HS3ST4: variants seen among roughly 807,000 people sequenced by gnomAD.
HS3ST4 encodes the protein heparan sulfate-glucosamine 3-sulfotransferase 4.
Under a neutral mutation model 29.2 loss-of-function variants are expected in HS3ST4, and 17 were observed. The observed-to-expected ratio is 0.58, with a 90% confidence interval of 0.40 to 0.87. The LOEUF is 0.87. Ranked by LOEUF, HS3ST4 falls within the 40% of genes least tolerant of loss-of-function variation. The pLI, the probability that HS3ST4 is intolerant of heterozygous loss-of-function variation, is 0.00. For synonymous variants in HS3ST4, 314 were observed against 285.7 expected (o/e 1.10, Z -1.00); for missense variants, 627 against 634.5 (o/e 0.99, Z 0.13).
chr16:26,043,353 T>C (rs1969652129), intron 1 of HS3ST4, among the ~76,000 whole-genome samples: 1 of 152,182 alleles, frequency 6.6e-6, no homozygotes, highest in Non-Finnish European at 1.5e-5. Context: ...TGATGAAATC[T>C]CTCATACCTC....
chr16:25,942,241 G>A (rs1968579334), intron 1 of HS3ST4, among the ~76,000 whole-genome samples: 1 of 152,120 alleles, frequency 6.6e-6, no homozygotes, highest in Non-Finnish European at 1.5e-5. Flanking sequence ...GAGATGATGG[G>A]ATATCCATTG....
intron 1 of HS3ST4, among the ~76,000 whole-genome samples, chr16:26,051,623 C>G (rs1287632564): frequency 6.6e-6 from 1 of 152,028 alleles, no homozygotes. Context: ...CCTGTGTTCA[C>G]GCAAGGATTT....
chr16:25,707,581 T>C (rs563752645), intron 1 of HS3ST4, among the ~76,000 whole-genome samples: 2 of 152,284 alleles, frequency 1.3e-5, no homozygotes, highest in South Asian at 4.2e-4. Flanking sequence ...AAGGACTCAA[T>C]CACTGTTGCT....
chr16:25,692,656 C>T lies in HS3ST4; in HGVS notation c.239C>T (p.Pro80Leu), dbSNP rs753481150. Residue 80 changes from proline to leucine, a missense_variant, in exon 1 of 2, where the codon CCG becomes CTG. Physicochemically the swap from Pro to Leu is moderately conservative, Grantham distance 98 (BLOSUM62 -3). Transcript: ENST00000331351. ...GAAAEPPPSP[P>L]PPSLLPTPVR... is the part of the protein sequence containing the mutation. ...GCCGCCGAGCCCCCGCCGAGCCCGC[C>T]GCCACCCTCTCTGCTGCCTACCCCC... The T allele has an allele frequency of 3.7e-6, 5 of 1,351,742 alleles. No homozygotes were observed. In the South Asian group the frequency reaches 8.3e-5, roughly 22 times the overall value. The allele number at this position is 1,351,742 out of a possible 1,614,324, so 83.7% of individuals were successfully genotyped here.
intron 1 of HS3ST4, among the ~76,000 whole-genome samples, chr16:25,860,510 A>G (rs1294219280): frequency 6.6e-6 from 1 of 152,174 alleles, no homozygotes; most frequent in Non-Finnish European, 1.5e-5. Flanking sequence ...AAACTGTGGT[A>G]CATCCAGAGA....
intron 1 of HS3ST4, among the ~76,000 whole-genome samples, chr16:25,761,654 C>T (rs1207267588): frequency 6.6e-6 from 1 of 152,154 alleles, no homozygotes; most frequent in Non-Finnish European, 1.5e-5. Context: ...TCCAATTTCC[C>T]CTTCTAAACA....
chr16:26,121,921 A>G (rs553617236), intron 1 of HS3ST4, among the ~76,000 whole-genome samples: 1 of 152,318 alleles, frequency 6.6e-6, no homozygotes, highest in South Asian at 2.1e-4. Flanking sequence ...AGTCAGGGTC[A>G]GGTGAAATTT....
At chr16:25,715,597 G>T (rs1966449022) in intron 1 of HS3ST4, among the ~76,000 whole-genome samples, 1 of 152,216 alleles carries the variant, frequency 6.6e-6, no homozygotes, top group African/African-American at 2.4e-5. Context: ...TTCTCTCTTT[G>T]AACTGCTGCG....
rs1470198674 is a variant in HS3ST4 at position 25,908,767 on chromosome 16, C to A, written c.734+215616C>A. ...GTCAGGAATCACAGCGCAGAAGCTG[C>A]AGGTGAGGTAGCAAAAGTTGTAAGG... On this transcript the variant is annotated intron_variant, in intron 1 of 1. Coordinates refer to ENST00000331351, the MANE Select transcript of HS3ST4 (RefSeq NM_006040.3). 3.3e-5 allele frequency among the ~76,000 whole-genome samples: 5 copies of A among 152,156 alleles called. No individual in the cohort carries two copies. The East Asian group carries it at 9.7e-4, about 29-fold the overall frequency.
chr16:25,713,145 A>C (rs541450306), intron 1 of HS3ST4, among the ~76,000 whole-genome samples: 49 of 152,128 alleles, frequency 3.2e-4, no homozygotes, highest in Non-Finnish European at 2.4e-4. Flanking sequence ...AGTTTGCTGC[A>C]CCTGTCAACC....
intron 1 of HS3ST4, among the ~76,000 whole-genome samples, chr16:25,773,757 A>G (rs749225924): frequency 1.4e-4 from 22 of 152,234 alleles, no homozygotes; most frequent in Admixed American, 6.5e-4. Context: ...AGAATATTGT[A>G]CATTGTACCC....
At chr16:25,989,158 G>A (rs985790656) in intron 1 of HS3ST4, among the ~76,000 whole-genome samples, 11 of 152,146 alleles carry the variant, frequency 7.2e-5, no homozygotes, top group Admixed American at 4.6e-4. Context: ...ACAGTGGGCC[G>A]CTTTTGATTT....
intron 1 of HS3ST4, among the ~76,000 whole-genome samples, chr16:25,948,522 C>T (rs887166209): frequency 1.3e-5 from 2 of 152,098 alleles, no homozygotes; most frequent in Admixed American, 6.6e-5. Context: ...TCACTGCTTT[C>T]TTTGACTATC....
intron 1 of HS3ST4, among the ~76,000 whole-genome samples, chr16:26,056,364 G>C (rs992892124): frequency 3.3e-5 from 5 of 152,204 alleles, no homozygotes; most frequent in African/African-American, 9.6e-5. Flanking sequence ...ATAAGAACTG[G>C]ATGCTGGAGT....
In HS3ST4 at chr16:25,692,689, T is replaced by C; in HGVS notation, c.272T>C (p.Leu91Pro). 8.1e-7 allele frequency: 1 copy of C among 1,229,396 alleles called. No homozygotes were observed. Among genetic ancestry groups the C allele is most frequent in the Non-Finnish European group, 1.0e-6 (1 of 989,184 alleles). The allele number at this position is 1,229,396 out of a possible 1,614,324, so 76.2% of individuals were successfully genotyped here. The change falls in exon 1 of 2, where the codon CTC (leucine) becomes CCC (proline). Residue 91 changes from leucine to proline, a missense_variant. Leu to Pro is a moderately conservative substitution (Grantham distance 98). Transcript: ENST00000331351. ...TCTCTGCTGCCTACCCCCGTGCGCC[T>C]CGGCGCCCCCTCGCAGCCGCCCGCG... ...PPSLLPTPVRLGAPSQPPAPP... is the reference protein window; with the variant it reads ...PPSLLPTPVRPGAPSQPPAPP...
At chr16:26,132,807 G>A (rs12443782) in intron 1 of HS3ST4, among the ~76,000 whole-genome samples, 33,271 of 151,958 alleles carry the variant, frequency 0.22, 3,835 homozygotes, top group East Asian at 0.36. Flanking sequence ...AGTACATCAG[G>A]GGAACTAAAA....
chr16:26,044,562 T>G (rs1418551394), intron 1 of HS3ST4, among the ~76,000 whole-genome samples: 1 of 152,196 alleles, frequency 6.6e-6, no homozygotes, highest in Non-Finnish European at 1.5e-5. Flanking sequence ...ATGCATCTTT[T>G]CATCTGGCTA....
intron 1 of HS3ST4, among the ~76,000 whole-genome samples, chr16:26,027,451 T>C (rs765114046): frequency 1.3e-5 from 2 of 152,232 alleles, no homozygotes; most frequent in Middle Eastern, 3.2e-3. Context: ...TCTGTGAACA[T>C]TGTCTACTTT....
At chr16:25,731,331 A>T (rs1966568725) in intron 1 of HS3ST4, among the ~76,000 whole-genome samples, 1 of 152,104 alleles carries the variant, frequency 6.6e-6, no homozygotes, top group African/African-American at 2.4e-5. Flanking sequence ...GTATACAAAG[A>T]TACTCTTATT....
Sources: gnomAD v4.1 joint callset for allele counts (sites outside exome capture counted in the v4.1 genomes callset) on GRCh38, gnomAD v4.1.1 for gene constraint, MANE v1.5 for transcripts, NCBI Gene and HGNC (gene_info 2026-07-23, HGNC 2026-07-21) for gene names.